Variants in FBXL17 observed in about 807,000 individuals in gnomAD.
FBXL17 encodes F-box and leucine rich repeat protein 17.
Under a neutral mutation model 66.2 loss-of-function variants are expected in FBXL17, and 22 were observed. The observed-to-expected ratio is 0.33, with a 90% confidence interval of 0.24 to 0.47. The LOEUF (loss-of-function observed/expected upper bound fraction) is 0.47, where lower values mean the gene tolerates loss of function less well. FBXL17 is among the 20% of genes least tolerant of loss of function. The pLI is 1.00. For missense variants in FBXL17, 878 were observed against 948.2 expected (o/e 0.93, Z 0.97); for synonymous variants, 474 against 400.5 (o/e 1.18, Z -2.19).
chr5:108,036,565 C>T (rs1746848899), intron 6 of FBXL17, among the ~76,000 whole-genome samples: 1 of 152,152 alleles, frequency 6.6e-6, no homozygotes, highest in Non-Finnish European at 1.5e-5. Flanking sequence ...ATAATTCAGA[C>T]CCAAGCGCTT....
intron 7 of FBXL17, among the ~76,000 whole-genome samples, chr5:107,962,277 A>G (rs1162644749): frequency 6.6e-6 from 1 of 152,154 alleles, no homozygotes; most frequent in Admixed American, 6.6e-5. Context: ...AACCTATAAA[A>G]TGATAGTTAT....
chr5:108,167,679 G>A (rs1364231470), intron 6 of FBXL17, among the ~76,000 whole-genome samples: 2 of 152,148 alleles, frequency 1.3e-5, no homozygotes, highest in East Asian at 3.9e-4. Flanking sequence ...ACAAAGCCAT[G>A]TTTTATAAAA....
chr5:108,038,444 T>C (rs1427927176), intron 6 of FBXL17, among the ~76,000 whole-genome samples: 1 of 152,124 alleles, frequency 6.6e-6, no homozygotes, highest in Non-Finnish European at 1.5e-5. Flanking sequence ...TGGCAAAATG[T>C]TGGCAATTGT....
At chr5:108,359,204 A>G (rs918019628) in intron 3 of FBXL17, among the ~76,000 whole-genome samples, 6 of 152,038 alleles carry the variant, frequency 3.9e-5, no homozygotes, top group African/African-American at 1.4e-4. Context: ...CTTTTTTCTT[A>G]GTCAATCTAG....
At chr5:107,990,235 G>C (rs1467632476) in intron 7 of FBXL17, among the ~76,000 whole-genome samples, 1 of 152,176 alleles carries the variant, frequency 6.6e-6, no homozygotes, top group Non-Finnish European at 1.5e-5. Flanking sequence ...AGGGAGACAA[G>C]GTCTGGGATA....
At chr5:108,078,656 T>C (rs1748645984) in intron 6 of FBXL17, among the ~76,000 whole-genome samples, 1 of 151,974 alleles carries the variant, frequency 6.6e-6, no homozygotes, top group East Asian at 1.9e-4. Flanking sequence ...ATCTGTGAGG[T>C]TTCATCTATA....
In FBXL17 at chr5:108,372,529, GA is replaced by G. The variant is rs1371781444; in HGVS notation, c.994-4577del. ...ACCGAGAGAACCCTGAAAGCAGCAA[GA>G]AAAATGCAACTCGTGAAAAGGACAC... On this transcript the variant is annotated intron_variant, in intron 1 of 8. Transcript: ENST00000542267. Among the ~76,000 whole-genome samples, 13 of 152,192 alleles carry G rather than the reference GA, an allele frequency of 8.5e-5. No homozygotes were observed. The East Asian group carries it at 2.5e-3, about 29-fold the overall frequency.
At chr5:108,203,756 ATTGT>A (rs1753996035) in intron 5 of FBXL17, among the ~76,000 whole-genome samples, 1 of 152,126 alleles carries the variant, frequency 6.6e-6, no homozygotes, top group Non-Finnish European at 1.5e-5. Context: ...AAACCAATCG[ATTGT>A]TTGAAAATTT....
At chr5:108,088,314 T>A (rs1749047639) in intron 6 of FBXL17, among the ~76,000 whole-genome samples, 1 of 152,238 alleles carries the variant, frequency 6.6e-6, no homozygotes, top group African/African-American at 2.4e-5. Flanking sequence ...ACAAAATCCA[T>A]GGACATTCAT....
chr5:108,067,664 T>C (rs1748168645), intron 6 of FBXL17, among the ~76,000 whole-genome samples: 1 of 152,182 alleles, frequency 6.6e-6, no homozygotes, highest in South Asian at 2.1e-4. Flanking sequence ...ACTTTGTATT[T>C]GTAGTTTTTT....
chr5:108,161,726 A>G (rs1752226617), intron 6 of FBXL17, among the ~76,000 whole-genome samples: 1 of 152,354 alleles, frequency 6.6e-6, no homozygotes, highest in African/African-American at 2.4e-5. Flanking sequence ...ATTTGGTTGC[A>G]ATAGGAATTT....
chr5:107,988,181 C>A (rs1353210354), intron 7 of FBXL17, among the ~76,000 whole-genome samples: 1 of 151,804 alleles, frequency 6.6e-6, no homozygotes, highest in African/African-American at 2.4e-5. Context: ...TCAAATATAT[C>A]CTGCGTATAA....
intron 7 of FBXL17, among the ~76,000 whole-genome samples, chr5:107,991,556 G>C (rs886290985): frequency 6.6e-6 from 1 of 152,136 alleles, no homozygotes; most frequent in Non-Finnish European, 1.5e-5. Flanking sequence ...AGCCTATATT[G>C]GTTTTGGAGT....
At chr5:108,318,441 T>C (rs973218610) in intron 4 of FBXL17, among the ~76,000 whole-genome samples, 1 of 151,800 alleles carries the variant, frequency 6.6e-6, no homozygotes, top group Admixed American at 6.6e-5. Context: ...TCCAATACTG[T>C]TAAAAAACAT....
chr5:107,894,335 A>C (rs186339230), intron 7 of FBXL17, among the ~76,000 whole-genome samples: 1 of 152,338 alleles, frequency 6.6e-6, no homozygotes, highest in East Asian at 1.9e-4. Flanking sequence ...TCTGATAAAG[A>C]AACTAAATCA....
chr5:108,369,777 T>C (rs1441730464), intron 1 of FBXL17, among the ~76,000 whole-genome samples: 5 of 152,034 alleles, frequency 3.3e-5, no homozygotes, highest in Admixed American at 6.5e-5. Flanking sequence ...AGATCCAGAA[T>C]TGAACCAATT....
At chr5:107,873,495 A>G (rs1430092448) in intron 8 of FBXL17, among the ~76,000 whole-genome samples, 1 of 152,168 alleles carries the variant, frequency 6.6e-6, no homozygotes, top group Non-Finnish European at 1.5e-5. Flanking sequence ...GCAAACAGGA[A>G]CAGGATTTTC....
chr5:107,971,967 C>A (rs1044074972), intron 7 of FBXL17, among the ~76,000 whole-genome samples: 1 of 152,210 alleles, frequency 6.6e-6, no homozygotes, highest in South Asian at 2.1e-4. Context: ...ATTCTGTGTA[C>A]TTATTATACT....
At chr5:108,034,420 G>A (rs1746761211) in intron 6 of FBXL17, among the ~76,000 whole-genome samples, 1 of 152,164 alleles carries the variant, frequency 6.6e-6, no homozygotes. Context: ...TTAAAATTGT[G>A]TTGCCAGAAA....
Sources: allele counts gnomAD v4.1 joint callset (sites outside exome capture counted in the v4.1 genomes callset), GRCh38; gene constraint gnomAD v4.1.1; transcripts MANE v1.5; gene names NCBI Gene and HGNC (gene_info 2026-07-23, HGNC 2026-07-21).